THSD7A: variants seen among roughly 807,000 people sequenced by gnomAD.
The protein encoded by THSD7A is thrombospondin type 1 domain containing 7A, also known as thrombospondin type-1 domain-containing protein 7A.
THSD7A carries 96 observed loss-of-function variants against 231.3 expected under a neutral mutation model. The ratio of observed to expected loss-of-function variants is 0.41; its 90% CI spans 0.35 to 0.49. THSD7A has a LOEUF of 0.49. Ranked by LOEUF, THSD7A falls within the 20% of genes least tolerant of loss-of-function variation. The pLI, the probability that THSD7A is intolerant of heterozygous loss-of-function variation, is 0.05. For missense variants in THSD7A, 2,290 were observed against 2,070.2 expected, an observed-to-expected ratio of 1.11 and a Z score of -2.06; for synonymous variants, 940 against 743.3, an observed-to-expected ratio of 1.26 and a Z score of -4.30.
chr7:11,546,189 G>GGTGCGGGTGC (rs1211087296), intron 4 of THSD7A, among the ~76,000 whole-genome samples: 2 of 84,234 alleles, frequency 2.4e-5, no homozygotes, highest in Non-Finnish European at 4.5e-5. Flanking sequence ...TGTTGTTGCT[G>GGTGCGGGTGC]GTGTGGGCGC....
chr7:11,762,890 TAC>T (rs2128168770), intron 1 of THSD7A, among the ~76,000 whole-genome samples: 1 of 152,262 alleles, frequency 6.6e-6, no homozygotes, highest in African/African-American at 2.4e-5. Flanking sequence ...CAAAGAAATC[TAC>T]AGATTCAACA....
intron 1 of THSD7A, among the ~76,000 whole-genome samples, chr7:11,828,947 T>C (rs1316638841): frequency 6.6e-6 from 1 of 152,132 alleles, no homozygotes; most frequent in Non-Finnish European, 1.5e-5. Flanking sequence ...GCCTATTCAA[T>C]GTGAAGACGA....
chr7:11,389,883 G>C (rs1490436100), intron 23 of THSD7A, among the ~76,000 whole-genome samples: 1 of 152,088 alleles, frequency 6.6e-6, no homozygotes, highest in African/African-American at 2.4e-5. Flanking sequence ...GCTTAGTTTG[G>C]CTGGATATGA....
At chr7:11,417,306 G>A (rs1287054662) in intron 17 of THSD7A, 144 bp downstream of exon 17, 9 of 749,730 alleles carry the variant, frequency 1.2e-5, no homozygotes, top group South Asian at 2.0e-5. Context: ...TGATGTGGCA[G>A]AGAAGACACA....
chr7:11,544,027 T>C (rs960166209), intron 4 of THSD7A, among the ~76,000 whole-genome samples: 1 of 152,138 alleles, frequency 6.6e-6, no homozygotes, highest in African/African-American at 2.4e-5. Flanking sequence ...CCTGATGCCA[T>C]ATTTGCTTTT....
intron 2 of THSD7A, among the ~76,000 whole-genome samples, chr7:11,622,224 A>T (rs1019838389): frequency 6.6e-6 from 1 of 152,134 alleles, no homozygotes; most frequent in Non-Finnish European, 1.5e-5. Context: ...TACATCACAT[A>T]TAGATTTTTC....
In THSD7A at chr7:11,406,260, A is replaced by AAAAAT; in HGVS notation, c.4237+35_4237+39dup. On this transcript the variant is annotated intron_variant, in intron 22 of 27. Coordinates refer to ENST00000423059, the MANE Select transcript of THSD7A (RefSeq NM_015204.3). This position sits in a 1 kb window ranked among gnomAD's most constrained non-coding sequence, Gnocchi z 4.7. ...CCCCTTCACGGCCCTTGTCCTAGGAAAAAATAATCAGAATATGAATTCTCC... is the reference window on the plus strand; with the variant it reads ...CCCCTTCACGGCCCTTGTCCTAGGAAAAAATAAAATAATCAGAATATGAATTCTCC... 6.4e-7 allele frequency: 1 copy of AAAAAT among 1,559,880 alleles called. No individual in the cohort carries two copies. Among genetic ancestry groups the AAAAAT allele is most frequent in the Non-Finnish European group, 8.7e-7 (1 of 1,155,264 alleles).
At chr7:11,503,137 G>A (rs1281988096) in intron 6 of THSD7A, among the ~76,000 whole-genome samples, 3 of 152,148 alleles carry the variant, frequency 2.0e-5, no homozygotes, top group African/African-American at 4.8e-5. Context: ...GAACAGAATA[G>A]AGAGCCCAGA....
Position 11,635,525 on chromosome 7 carries a change from C to G in THSD7A, c.1022+605G>C, listed in dbSNP as rs186046609. Among the ~76,000 whole-genome samples, 91 of 152,222 alleles carry G rather than the reference C, an allele frequency of 6.0e-4. 1 individual carries two copies. The East Asian group carries it at 0.014, about 24-fold the overall frequency. On this transcript the variant is annotated intron_variant, in intron 2 of 27. Transcript: ENST00000423059. ...AATAATTTCTGTCTAGAAAATGAAG[C>G]TAATTAGTTACATGTTTCCTGAATG...
intron 13 of THSD7A, among the ~76,000 whole-genome samples, chr7:11,430,182 C>T (rs1784437069): frequency 6.6e-6 from 1 of 152,160 alleles, no homozygotes; most frequent in African/African-American, 2.4e-5. Context: ...TGATACTAGG[C>T]AACTCTAGGT....
At chr7:11,713,952 AT>A (rs1228728916) in intron 1 of THSD7A, among the ~76,000 whole-genome samples, 2 of 151,326 alleles carry the variant, frequency 1.3e-5, no homozygotes, top group Non-Finnish European at 3.0e-5. Context: ...CAGCAAATAT[AT>A]TAGAATAGAA....
chr7:11,726,117 C>T (rs982179082), intron 1 of THSD7A, among the ~76,000 whole-genome samples: 3 of 151,794 alleles, frequency 2.0e-5, no homozygotes, highest in African/African-American at 7.3e-5. Flanking sequence ...TCCATAAAAG[C>T]TAAATTTAAA....
chr7:11,707,805 A>G (rs1044868650), intron 1 of THSD7A, among the ~76,000 whole-genome samples: 10 of 150,780 alleles, frequency 6.6e-5, no homozygotes, highest in Admixed American at 6.0e-4. Flanking sequence ...CTTGAGCCAA[A>G]ATAACTCTGG....
chr7:11,488,114 T>G (rs1378847273), intron 6 of THSD7A, among the ~76,000 whole-genome samples: 1 of 152,118 alleles, frequency 6.6e-6, no homozygotes, highest in Non-Finnish European at 1.5e-5. Context: ...AGCACATTAT[T>G]TAGAGAGATC....
intron 1 of THSD7A, among the ~76,000 whole-genome samples, chr7:11,777,382 TA>T (rs971939440): frequency 2.7e-4 from 41 of 150,862 alleles, no homozygotes; most frequent in African/African-American, 9.3e-4. Flanking sequence ...CATAATAGTG[TA>T]AAAAAAACTA....
intron 16 of THSD7A, among the ~76,000 whole-genome samples, chr7:11,419,205 C>T (rs140302003): frequency 6.6e-6 from 1 of 152,122 alleles, no homozygotes; most frequent in Admixed American, 6.6e-5. Flanking sequence ...AAAGATTTCT[C>T]TTGATATGAT....
intron 7 of THSD7A, among the ~76,000 whole-genome samples, chr7:11,475,518 A>C (rs62438196): frequency 0.075 from 11,358 of 151,126 alleles, 548 homozygotes; most frequent in Admixed American, 0.1. Flanking sequence ...GAGAATGGGG[A>C]AGTGATGGTA....
chr7:11,701,482 C>CA (rs1217419544), intron 1 of THSD7A, among the ~76,000 whole-genome samples: 1 of 150,994 alleles, frequency 6.6e-6, no homozygotes, highest in Non-Finnish European at 1.5e-5. Context: ...AAAGAATATT[C>CA]AAAAATAGAA....
chr7:11,470,413 A>T (rs1785890036), intron 8 of THSD7A, among the ~76,000 whole-genome samples: 1 of 152,014 alleles, frequency 6.6e-6, no homozygotes, highest in South Asian at 2.1e-4. Context: ...ATAAGTTTCC[A>T]GGTTATTCTA....
Sources: gnomAD v4.1 joint callset for allele counts (sites outside exome capture counted in the v4.1 genomes callset) on GRCh38, gnomAD v4.1.1 for gene constraint, Gnocchi (gnomAD v3.1) non-coding constraint, MANE v1.5 for transcripts, NCBI Gene and HGNC (gene_info 2026-07-23, HGNC 2026-07-21) for gene names.